Variants in MYT1 observed in about 807,000 individuals in gnomAD.
The protein encoded by MYT1 is myelin transcription factor 1.
Under a neutral mutation model 123.0 loss-of-function variants are expected in MYT1, and 23 were observed. That is an observed-to-expected ratio of 0.19 (90% confidence interval 0.13 to 0.26). The LOEUF is 0.26. MYT1 is among the 10% of genes least tolerant of loss of function. The pLI is 1.00. For missense variants in MYT1, 1,125 were observed against 1,472.5 expected (o/e 0.76, Z 3.86); for synonymous variants, 518 against 575.3 (o/e 0.90, Z 1.43).
At chr20:64,172,741 C>CTTTTTTTTTT (rs33943131) in intron 1 of MYT1, among the ~76,000 whole-genome samples, 4 of 95,542 alleles carry the variant, frequency 4.2e-5, no homozygotes, top group Non-Finnish European at 5.9e-5. Context: ...GCCATACCCT[C>CTTTTTTTTTT]TTTTTTTTTT....
intron 1 of MYT1, among the ~76,000 whole-genome samples, chr20:64,169,046 C>T (rs1286823455): frequency 6.6e-6 from 1 of 152,220 alleles, no homozygotes; most frequent in Admixed American, 6.5e-5. Flanking sequence ...GCAATCCACA[C>T]ATCAGAGGAG....
intron 21 of MYT1, among the ~76,000 whole-genome samples, chr20:64,238,708 C>A (rs560448118): frequency 6.6e-6 from 1 of 151,978 alleles, no homozygotes; most frequent in East Asian, 1.9e-4. Flanking sequence ...GTGCTCCCTG[C>A]TCCTCCCCTT....
intron 1 of MYT1, among the ~76,000 whole-genome samples, chr20:64,173,004 C>T (rs2145689804): frequency 6.6e-6 from 1 of 152,280 alleles, no homozygotes; most frequent in Non-Finnish European, 1.5e-5. Flanking sequence ...GTTAGGATTA[C>T]AGGCTTGAGC....
At position 64,208,267 on chromosome 20, in the gene MYT1, C is replaced by G. The variant is rs77452040; in HGVS notation, c.1071C>G (p.His357Gln). ...ATGATGACAAGGACGAGGACACCCACTCCCGGAAGTCAACAGTCACTGACG... is the reference window on the plus strand; with the variant it reads ...ATGATGACAAGGACGAGGACACCCAGTCCCGGAAGTCAACAGTCACTGACG... ...RSDDDKDEDTHSRKSTVTDES... is the reference protein window; with the variant it reads ...RSDDDKDEDTQSRKSTVTDES... The change falls in exon 7 of 23, where the codon CAC becomes CAG. Residue 357 changes from histidine to glutamine, a missense_variant. Around this residue, in one of 4 missense-constraint regions of MYT1, gnomAD observed 429 missense variants for 604.1 expected, o/e 0.71. Coordinates refer to ENST00000328439, the MANE Select transcript of MYT1 (RefSeq NM_004535.3). This position sits in a 1 kb window ranked among gnomAD's most constrained non-coding sequence, Gnocchi z 5.4. The G allele has an allele frequency of 6.2e-7, 1 of 1,614,088 alleles. No homozygotes were observed. The highest frequency in any genetic ancestry group is 1.3e-5 in the African/African-American group (1 of 74,932).
At chr20:64,239,707 C>T in intron 21 of MYT1, 53 bp from the exon 22 acceptor site, 1 of 1,609,444 alleles carries the variant, frequency 6.2e-7, no homozygotes, top group Non-Finnish European at 8.5e-7. Context: ...AGAGGACCCC[C>T]AGGAGGATGG....
intron 7 of MYT1, among the ~76,000 whole-genome samples, chr20:64,209,136 C>T (rs1267877588): frequency 2.0e-5 from 3 of 152,126 alleles, no homozygotes; most frequent in Non-Finnish European, 4.4e-5. Flanking sequence ...AGCTGGGAAG[C>T]AGCTGATGTG....
chr20:64,230,252 C>T (rs1344346958), intron 18 of MYT1, among the ~76,000 whole-genome samples: 1 of 152,200 alleles, frequency 6.6e-6, no homozygotes, highest in Non-Finnish European at 1.5e-5. Flanking sequence ...GTGGCTCATG[C>T]CTGTAATCCC....
chr20:64,227,795 G>C, intron 17 of MYT1, 93 bp from the exon 18 acceptor site: 1 of 1,104,766 alleles, frequency 9.1e-7, no homozygotes, highest in Non-Finnish European at 1.3e-6. Flanking sequence ...CCACCCTGGG[G>C]TCACAGAGCT....
intron 16 of MYT1, among the ~76,000 whole-genome samples, chr20:64,226,581 G>A (rs143763182): frequency 0.034 from 5,154 of 152,296 alleles, 115 homozygotes; most frequent in Non-Finnish European, 0.04. Context: ...CAGGCCTGAC[G>A]GGGGATGGAT....
intron 10 of MYT1, among the ~76,000 whole-genome samples, chr20:64,214,743 G>T (rs947421838): frequency 1.3e-5 from 2 of 152,264 alleles, no homozygotes; most frequent in Admixed American, 1.3e-4. Context: ...AGACAAGAGT[G>T]TAGGAGACCC....
rs1430808193 is a variant in MYT1, at chr20:64,202,265, G to A, written c.86+2343G>A. Among the ~76,000 whole-genome samples, 2 of 152,172 alleles carry A rather than the reference G, an allele frequency of 1.3e-5. No individual in the cohort carries two copies. The highest frequency in any genetic ancestry group is 2.9e-5 in the Non-Finnish European group (2 of 68,036). The stretch of plus-strand genomic sequence containing the variant: ...AGCAGGACCCTGAGCTGCTATTTCC[G>A]ACCTCGGAGCCCACTGGGAGTGCCT... On this transcript the variant is annotated intron_variant, in intron 4 of 22. Transcript: ENST00000328439. This position sits in a 1 kb window ranked among gnomAD's most constrained non-coding sequence, Gnocchi z 5.0.
intron 21 of MYT1, among the ~76,000 whole-genome samples, chr20:64,238,813 A>G (rs1479194548): frequency 6.6e-6 from 1 of 152,160 alleles, no homozygotes; most frequent in African/African-American, 2.4e-5. Flanking sequence ...TTAAAGACAG[A>G]TTATTACCTT....
chr20:64,166,563 G>A lies in MYT1; in HGVS notation c.-99+1824G>A, dbSNP rs1982088956. The stretch of plus-strand genomic sequence containing the variant: ...CCCTCTTCAGAGACCCGAGGCAGGG[G>A]GGCTGCTTCTGTCCAAAGTGCCACT... On this transcript the variant is annotated intron_variant, in intron 1 of 22. Coordinates refer to ENST00000328439, the MANE Select transcript of MYT1 (RefSeq NM_004535.3). The surrounding 1 kb of genome is among the most constrained non-coding windows in gnomAD (Gnocchi z 4.9). Among the ~76,000 whole-genome samples, 3 of 152,286 alleles carry A rather than the reference G, an allele frequency of 2.0e-5. No homozygotes were observed. Among genetic ancestry groups the A allele is most frequent in the East Asian group, 1.9e-4 (1 of 5,174 alleles).
At position 64,224,423 on chromosome 20, in the gene MYT1, C is replaced by T. The variant is rs1236326352; in HGVS notation, c.2528+1064C>T. Among the ~76,000 whole-genome samples the T allele has an allele frequency of 6.6e-5, 10 of 152,304 alleles. No individual in the cohort carries two copies. The East Asian group carries it at 1.9e-3, about 29-fold the overall frequency. On this transcript the variant is annotated intron_variant, in intron 16 of 22. Transcript: ENST00000328439. ...GAAAGCTCTAGGTCTCCCAGAGCCCCCACCAGCAGCCTTGTCTCTGTTCCC... is the reference window on the plus strand; with the variant it reads ...GAAAGCTCTAGGTCTCCCAGAGCCCTCACCAGCAGCCTTGTCTCTGTTCCC...
In MYT1 at chr20:64,202,507, G is replaced by A. The variant is rs1983355789; in HGVS notation, c.87-2528G>A. ...TCAGGACCATCTCCAAGTTCAGAGA[G>A]AGAACACGTCTGTAGCTCACCCTTC... On this transcript the variant is annotated intron_variant, in intron 4 of 22. Coordinates refer to ENST00000328439, the MANE Select transcript of MYT1 (RefSeq NM_004535.3). This position sits in a 1 kb window ranked among gnomAD's most constrained non-coding sequence, Gnocchi z 5.0. Among the ~76,000 whole-genome samples, 2 of 152,156 alleles carry A rather than the reference G, an allele frequency of 1.3e-5. No individual in the cohort carries two copies. Among genetic ancestry groups the A allele is most frequent in the Non-Finnish European group, 2.9e-5 (2 of 68,036 alleles).
intron 21 of MYT1, 109 bp from the exon 22 acceptor site, chr20:64,239,651 C>A: frequency 6.6e-7 from 1 of 1,504,456 alleles, no homozygotes; most frequent in Non-Finnish European, 9.0e-7. Flanking sequence ...TCTTCCCCCA[C>A]CCCAGGGTTC....
intron 11 of MYT1, 53 bp downstream of exon 11, chr20:64,217,334 G>C: frequency 6.3e-7 from 1 of 1,592,820 alleles, no homozygotes; most frequent in Non-Finnish European, 8.6e-7. Flanking sequence ...CCTGGGAGGG[G>C]CAGGATTCAA....
At position 64,206,329 on chromosome 20, in the gene MYT1, G is replaced by C. The variant is rs552178984; in HGVS notation, c.397+529G>C. ...TGGAGCCTCTGAAGACGGGGTGCCC[G>C]GGGAGGCCAAGAGGGGAAGGAGGAA... On this transcript the variant is annotated intron_variant, in intron 6 of 22. Coordinates refer to ENST00000328439, the MANE Select transcript of MYT1 (RefSeq NM_004535.3). Among the ~76,000 whole-genome samples the C allele has an allele frequency of 1.2e-4, 18 of 152,298 alleles. No homozygotes were observed. The South Asian group carries it at 3.5e-3, about 30-fold the overall frequency.
chr20:64,210,305 G>T (rs909950825), intron 7 of MYT1, among the ~76,000 whole-genome samples: 1 of 152,256 alleles, frequency 6.6e-6, no homozygotes, highest in African/African-American at 2.4e-5. Context: ...GTGAGTGTCT[G>T]TGCAACGTGA....
Sources: allele counts gnomAD v4.1 joint callset (sites outside exome capture counted in the v4.1 genomes callset), GRCh38; gene constraint gnomAD v4.1.1; regional missense constraint gnomAD v4.1.1; non-coding constraint Gnocchi (gnomAD v3.1); transcripts MANE v1.5; gene names NCBI Gene and HGNC (gene_info 2026-07-23, HGNC 2026-07-21).